The following NEDD4L variants were observed in gnomAD, a reference collection of about 807,000 sequenced individuals.
The protein encoded by NEDD4L is NEDD4 like E3 ubiquitin protein ligase.
In NEDD4L, 54 loss-of-function variants were observed where a neutral mutation model predicts 148.9. That is an observed-to-expected ratio of 0.36 (90% CI 0.29 to 0.45). The LOEUF (loss-of-function observed/expected upper bound fraction) is 0.45. Ranked by LOEUF, NEDD4L falls within the 20% of genes least tolerant of loss-of-function variation. The pLI, the probability that NEDD4L is intolerant of heterozygous loss-of-function variation, is 1.00. For missense variants in NEDD4L, 856 were observed against 1,233.8 expected, an observed-to-expected ratio of 0.69 and a Z score of 4.59; for synonymous variants, 433 against 440.7, an observed-to-expected ratio of 0.98 and a Z score of 0.22.
intron 12 of NEDD4L, chr18:58,334,117 C>T: frequency 4.4e-6 from 2 of 451,992 alleles, no homozygotes; most frequent in South Asian, 9.9e-5. Flanking sequence ...TTTAGTTTTT[C>T]ACCCAAATTT....
intron 5 of NEDD4L, among the ~76,000 whole-genome samples, chr18:58,309,186 C>A (rs2057391280): frequency 6.6e-6 from 1 of 152,198 alleles, no homozygotes; most frequent in African/African-American, 2.4e-5. Flanking sequence ...TCCCTCCCCC[C>A]CACTGCCCCA....
intron 1 of NEDD4L, among the ~76,000 whole-genome samples, chr18:58,135,427 G>A (rs777292394): frequency 4.6e-5 from 7 of 152,144 alleles, no homozygotes; most frequent in Non-Finnish European, 8.8e-5. Context: ...TGAGAGTCCC[G>A]GCTGTGTTGT....
intron 1 of NEDD4L, among the ~76,000 whole-genome samples, chr18:58,139,741 G>A (rs749285551): frequency 1.4e-4 from 22 of 152,094 alleles, no homozygotes; most frequent in South Asian, 2.1e-4. Context: ...GCCTGACTTC[G>A]AATCAGCTGT....
At chr18:58,051,872 T>C (rs188754431) in intron 1 of NEDD4L, among the ~76,000 whole-genome samples, 3 of 152,258 alleles carry the variant, frequency 2.0e-5, no homozygotes, top group Admixed American at 2.0e-4. Flanking sequence ...TAAAGAAGGG[T>C]GGAAGAAGTG....
At chr18:58,080,957 A>G (rs1014163248) in intron 1 of NEDD4L, among the ~76,000 whole-genome samples, 1 of 152,116 alleles carries the variant, frequency 6.6e-6, no homozygotes, top group African/African-American at 2.4e-5. Context: ...GGGGTATGAA[A>G]TGTGAGGGCC....
chr18:58,160,863 A>C (rs535611397), intron 1 of NEDD4L, among the ~76,000 whole-genome samples: 150 of 152,322 alleles, frequency 9.8e-4, no homozygotes, highest in Non-Finnish European at 1.8e-3. Context: ...AATTTCCTGC[A>C]ACAGGTGCTT....
At chr18:58,095,525 G>T (rs1169950182) in intron 1 of NEDD4L, among the ~76,000 whole-genome samples, 1 of 150,926 alleles carries the variant, frequency 6.6e-6, no homozygotes, top group African/African-American at 2.4e-5. Flanking sequence ...GAGGGGCCTT[G>T]CAGGGCTCAG....
At chr18:58,127,823 A>G (rs2031394701) in intron 1 of NEDD4L, among the ~76,000 whole-genome samples, 1 of 137,010 alleles carries the variant, frequency 7.3e-6, no homozygotes, top group East Asian at 2.3e-4. Context: ...CCTGGGCCAC[A>G]GAGTGAGACT....
At chr18:58,067,392 C>T (rs937076106) in intron 1 of NEDD4L, among the ~76,000 whole-genome samples, 11 of 152,216 alleles carry the variant, frequency 7.2e-5, no homozygotes, top group Non-Finnish European at 1.5e-4. Flanking sequence ...GGTCCAACCA[C>T]TCAGCTATCT....
chr18:58,158,756 G>T (rs2035825278), intron 1 of NEDD4L, among the ~76,000 whole-genome samples: 1 of 152,150 alleles, frequency 6.6e-6, no homozygotes, highest in East Asian at 1.9e-4. Context: ...GCCTCTGTCG[G>T]TGTCATCTGG....
At chr18:58,296,852 G>A (rs958683159) in intron 5 of NEDD4L, among the ~76,000 whole-genome samples, 1 of 152,194 alleles carries the variant, frequency 6.6e-6, no homozygotes, top group African/African-American at 2.4e-5. Context: ...AACCTGGGAG[G>A]TGGAGGTTGC....
intron 1 of NEDD4L, among the ~76,000 whole-genome samples, chr18:58,112,360 C>CTTTATTTATTTA (rs199799632): frequency 4.2e-5 from 6 of 143,564 alleles, no homozygotes; most frequent in East Asian, 2.0e-4. Flanking sequence ...TCCTATTTGT[C>CTTTATTTATTTA]TTTATTTATT....
intron 1 of NEDD4L, among the ~76,000 whole-genome samples, chr18:58,094,337 A>C (rs2084250765): frequency 1.3e-5 from 2 of 151,468 alleles, no homozygotes; most frequent in Non-Finnish European, 2.9e-5. Context: ...GGCACATGCC[A>C]CCCCGCCTGG....
intron 2 of NEDD4L, among the ~76,000 whole-genome samples, chr18:58,184,093 T>C (rs1035048833): frequency 3.3e-5 from 5 of 151,986 alleles, no homozygotes; most frequent in Admixed American, 6.6e-5. Context: ...GGCGAGAACC[T>C]GGGAGGTGGA....
chr18:58,093,731 G>A (rs1301715305), intron 1 of NEDD4L, among the ~76,000 whole-genome samples: 3 of 152,160 alleles, frequency 2.0e-5, no homozygotes, highest in African/African-American at 7.2e-5. Flanking sequence ...TACGCCAGAG[G>A]AGGAGAATTC....
intron 2 of NEDD4L, among the ~76,000 whole-genome samples, chr18:58,184,007 A>G (rs890378107): frequency 6.6e-6 from 1 of 152,102 alleles, no homozygotes; most frequent in Non-Finnish European, 1.5e-5. Context: ...GTCTCTACTA[A>G]AAATAGAGAA....
At chr18:58,073,217 C>T (rs1415970187) in intron 1 of NEDD4L, among the ~76,000 whole-genome samples, 1 of 148,446 alleles carries the variant, frequency 6.7e-6, no homozygotes, top group Non-Finnish European at 1.5e-5. Flanking sequence ...TCCCAGCTGG[C>T]TTTTTTTTTT....
rs143652915 is a variant in NEDD4L at position 58,055,475 on chromosome 18, A to T, written c.48+10767A>T. The stretch of plus-strand genomic sequence containing the variant: ...AAAAGTAAGTTTAAAAGTGAGTTTA[A>T]AAATCCCTGAAAGGCATGTACTTCA... On this transcript the variant is annotated intron_variant, in intron 1 of 30. Coordinates refer to ENST00000400345, the MANE Select transcript of NEDD4L (RefSeq NM_001144967.3). 3.3e-5 allele frequency among the ~76,000 whole-genome samples: 5 copies of T among 152,360 alleles called. No homozygotes were observed. In the East Asian group the frequency reaches 9.6e-4, roughly 29 times the overall value.
chr18:58,085,590 T>C (rs1047120096), intron 1 of NEDD4L, among the ~76,000 whole-genome samples: 1 of 152,214 alleles, frequency 6.6e-6, no homozygotes, highest in Admixed American at 6.5e-5. Flanking sequence ...TCTGAGATGA[T>C]GTCACAGTTT....
Sources: allele counts gnomAD v4.1 joint callset (sites outside exome capture counted in the v4.1 genomes callset), GRCh38; gene constraint gnomAD v4.1.1; transcripts MANE v1.5; gene names NCBI Gene and HGNC (gene_info 2026-07-23, HGNC 2026-07-21).